HCN1: variants seen among roughly 807,000 people sequenced by gnomAD.
The protein encoded by HCN1 is hyperpolarization activated cyclic nucleotide gated potassium channel 1, also known as potassium/sodium hyperpolarization-activated cyclic nucleotide-gated channel 1.
In HCN1, 13 loss-of-function variants were observed where a neutral mutation model predicts 78.9. The ratio of observed to expected loss-of-function variants is 0.16; its 90% CI spans 0.11 to 0.26. The LOEUF (loss-of-function observed/expected upper bound fraction) is 0.26. HCN1 is among the 10% of genes least tolerant of loss of function. The pLI is 1.00. For missense variants in HCN1, 810 were observed against 1,154.3 expected (o/e 0.70, Z 4.32); for synonymous variants, 552 against 455.5 (o/e 1.21, Z -2.70).
intron 6 of HCN1, among the ~76,000 whole-genome samples, chr5:45,288,429 G>T (rs1745309629): frequency 6.6e-6 from 1 of 151,962 alleles, no homozygotes; most frequent in African/African-American, 2.4e-5. Context: ...CCCTTCAAGA[G>T]TCCCATTCTA....
chr5:45,416,418 G>A lies in HCN1; in HGVS notation c.1012-19708C>T, dbSNP rs191274439. On this transcript the variant is annotated intron_variant, in intron 3 of 7. Transcript: ENST00000303230. Reference sequence around the variant, plus strand: ...ATTATTCTTCACATATTTTTCTGAGGAAACAAATATGGAATGCATATATGA... The same window carrying A: ...ATTATTCTTCACATATTTTTCTGAGAAAACAAATATGGAATGCATATATGA... Among the ~76,000 whole-genome samples, 445 of 151,944 alleles carry A rather than the reference G, an allele frequency of 2.9e-3. 2 individuals carry two copies. The highest frequency in any genetic ancestry group is 0.014 in the Middle Eastern group (4 of 294).
At chr5:45,642,287 T>C (rs1384540347) in intron 2 of HCN1, 1 of 152,142 alleles carries the variant, frequency 6.6e-6, no homozygotes, top group Non-Finnish European at 1.5e-5. Flanking sequence ...CATAAATTAG[T>C]TGCTCAAATC....
intron 2 of HCN1, among the ~76,000 whole-genome samples, chr5:45,523,127 T>C (rs1224593540): frequency 6.6e-6 from 1 of 151,890 alleles, no homozygotes; most frequent in Admixed American, 6.6e-5. Context: ...TTTGTCCTTG[T>C]GATAGTTTAC....
chr5:45,481,797 A>G (rs988037297), intron 2 of HCN1, among the ~76,000 whole-genome samples: 4 of 152,108 alleles, frequency 2.6e-5, no homozygotes, highest in Non-Finnish European at 4.4e-5. Context: ...GAGTCAAAGG[A>G]ACATAGCTTT....
chr5:45,676,128 T>C (rs1746261633), intron 1 of HCN1, among the ~76,000 whole-genome samples: 1 of 151,832 alleles, frequency 6.6e-6, no homozygotes, highest in African/African-American at 2.4e-5. Context: ...ATAAACAAGC[T>C]TTATTCTCAT....
At chr5:45,389,373 A>T (rs926011562) in intron 4 of HCN1, among the ~76,000 whole-genome samples, 4 of 152,108 alleles carry the variant, frequency 2.6e-5, no homozygotes, top group Non-Finnish European at 4.4e-5. Flanking sequence ...TCAAGTAAAA[A>T]ATCTTAAAAT....
intron 4 of HCN1, among the ~76,000 whole-genome samples, chr5:45,391,750 A>G (rs1160241717): frequency 6.6e-6 from 1 of 152,138 alleles, no homozygotes; most frequent in East Asian, 1.9e-4. Context: ...ATTCTAGAAG[A>G]GAAAGCAGAT....
At chr5:45,509,298 C>G (rs1000528647) in intron 2 of HCN1, among the ~76,000 whole-genome samples, 1 of 151,978 alleles carries the variant, frequency 6.6e-6, no homozygotes, top group African/African-American at 2.4e-5. Flanking sequence ...CACATTTATG[C>G]TCTTTGGGTT....
chr5:45,524,531 A>C (rs976364868), intron 2 of HCN1, among the ~76,000 whole-genome samples: 6 of 151,950 alleles, frequency 3.9e-5, no homozygotes, highest in African/African-American at 1.2e-4. Flanking sequence ...CTTTTATTTC[A>C]TTGAGCAGTG....
Position 45,473,958 on chromosome 5 carries a change from A to G in HCN1, c.850-11951T>C, listed in dbSNP as rs142427039. Among the ~76,000 whole-genome samples, 25 of 151,814 alleles carry G rather than the reference A, an allele frequency of 1.6e-4. No individual in the cohort carries two copies. The East Asian group carries it at 4.9e-3, about 29-fold the overall frequency. ...CTCTAGGCACATTAATTTATAATAT[A>G]CTCTTTGATACTGCTTTCTTGGTTT... On this transcript the variant is annotated intron_variant, in intron 2 of 7. Transcript: ENST00000303230.
At chr5:45,359,011 C>T (rs546546607) in intron 4 of HCN1, among the ~76,000 whole-genome samples, 12 of 151,994 alleles carry the variant, frequency 7.9e-5, no homozygotes, top group Admixed American at 3.3e-4. Flanking sequence ...GCCATAAGCC[C>T]CTATTCTTTC....
At chr5:45,498,423 G>A (rs1742099953) in intron 2 of HCN1, among the ~76,000 whole-genome samples, 1 of 152,114 alleles carries the variant, frequency 6.6e-6, no homozygotes, top group African/African-American at 2.4e-5. Context: ...TCGAGCCTTG[G>A]TTTTCAGCTC....
chr5:45,630,577 C>A (rs1745254375), intron 2 of HCN1, among the ~76,000 whole-genome samples: 1 of 152,130 alleles, frequency 6.6e-6, no homozygotes, highest in African/African-American at 2.4e-5. Context: ...ATTTGACTTT[C>A]AAAACACCAA....
chr5:45,462,072 G>C, intron 2 of HCN1, 65 bp from the exon 3 acceptor site: 1 of 1,231,696 alleles, frequency 8.1e-7, no homozygotes, highest in Non-Finnish European at 1.2e-6. Context: ...GCATACTACT[G>C]ATAGTAGGCA....
intron 1 of HCN1, among the ~76,000 whole-genome samples, chr5:45,687,660 TTTGA>T (rs1739835250): frequency 6.6e-6 from 1 of 152,154 alleles, no homozygotes; most frequent in Admixed American, 6.5e-5. Context: ...TCTTTGGCTG[TTTGA>T]TTTAGTCTTT....
intron 2 of HCN1, among the ~76,000 whole-genome samples, chr5:45,625,016 T>C (rs1745135707): frequency 6.6e-6 from 1 of 152,154 alleles, no homozygotes; most frequent in South Asian, 2.1e-4. Flanking sequence ...TTTGATCTAA[T>C]AGTGTGTAGC....
At chr5:45,277,762 C>T (rs560098114) in intron 6 of HCN1, among the ~76,000 whole-genome samples, 5 of 152,156 alleles carry the variant, frequency 3.3e-5, no homozygotes, top group African/African-American at 4.8e-5. Flanking sequence ...AGGTAGCAGC[C>T]CATACAACGA....
At chr5:45,281,260 T>C (rs1385323994) in intron 6 of HCN1, among the ~76,000 whole-genome samples, 1 of 151,950 alleles carries the variant, frequency 6.6e-6, no homozygotes, top group Non-Finnish European at 1.5e-5. Context: ...GTCATGGTAA[T>C]GAGTGAGTAC....
intron 2 of HCN1, among the ~76,000 whole-genome samples, chr5:45,499,124 C>T (rs1377865094): frequency 6.6e-6 from 1 of 152,188 alleles, no homozygotes; most frequent in Admixed American, 6.5e-5. Flanking sequence ...TTCAGGTTTC[C>T]TGGCTGCTTT....
Sources: gnomAD v4.1 joint callset for allele counts (sites outside exome capture counted in the v4.1 genomes callset) on GRCh38, gnomAD v4.1.1 for gene constraint, MANE v1.5 for transcripts, NCBI Gene and HGNC (gene_info 2026-07-23, HGNC 2026-07-21) for gene names.